The following CELF4 variants were observed in gnomAD, a reference collection of about 807,000 sequenced individuals.
CELF4 encodes CUG-BP- and ETR-3-like factor 4.
In CELF4, 18 loss-of-function variants were observed where a neutral mutation model predicts 59.9. The ratio of observed to expected loss-of-function variants is 0.30; its 90% CI spans 0.21 to 0.45. CELF4 has a LOEUF of 0.45. Ranked by LOEUF, CELF4 falls within the 20% of genes least tolerant of loss-of-function variation. CELF4 has a pLI of 1.00. For missense variants in CELF4, 456 were observed against 689.0 expected, an observed-to-expected ratio of 0.66 and a Z score of 3.79; for synonymous variants, 261 against 267.1, an observed-to-expected ratio of 0.98 and a Z score of 0.22.
At chr18:37,501,573 A>G (rs1336826607) in intron 1 of CELF4, among the ~76,000 whole-genome samples, 3 of 152,196 alleles carry the variant, frequency 2.0e-5, no homozygotes, top group African/African-American at 7.2e-5. Flanking sequence ...GGACAGAGGG[A>G]TATGGAGGAA....
intron 2 of CELF4, among the ~76,000 whole-genome samples, chr18:37,341,962 T>C (rs2098060968): frequency 6.6e-6 from 1 of 152,066 alleles, no homozygotes; most frequent in African/African-American, 2.4e-5. Flanking sequence ...TTACTCTCCT[T>C]GTTTGTGATC....
At chr18:37,542,605 G>A (rs748199119) in intron 1 of CELF4, among the ~76,000 whole-genome samples, 1 of 152,186 alleles carries the variant, frequency 6.6e-6, no homozygotes, top group Non-Finnish European at 1.5e-5. Flanking sequence ...AAATTGAAAT[G>A]TTCTCCTAGG....
chr18:37,290,760 T>C (rs1018977683), intron 3 of CELF4, among the ~76,000 whole-genome samples: 3 of 152,152 alleles, frequency 2.0e-5, no homozygotes, highest in African/African-American at 4.8e-5. Context: ...TCGACTAAGA[T>C]AGTAATAACC....
chr18:37,353,192 G>A (rs1269287001), intron 2 of CELF4, among the ~76,000 whole-genome samples: 2 of 140,828 alleles, frequency 1.4e-5, no homozygotes, highest in African/African-American at 2.6e-5. Flanking sequence ...CTGCACTCCA[G>A]CCTGGGCAAC....
chr18:37,349,696 A>G (rs2154553073), intron 2 of CELF4, among the ~76,000 whole-genome samples: 1 of 152,320 alleles, frequency 6.6e-6, no homozygotes, highest in South Asian at 2.1e-4. Flanking sequence ...GGGCCAGCCC[A>G]TCGGAACCAC....
At chr18:37,425,572 G>A (rs1400399498) in intron 2 of CELF4, among the ~76,000 whole-genome samples, 1 of 152,224 alleles carries the variant, frequency 6.6e-6, no homozygotes, top group African/African-American at 2.4e-5. Flanking sequence ...GAAGGAAAAG[G>A]AGAGTGCACT....
At chr18:37,409,289 A>T (rs1479117199) in intron 2 of CELF4, among the ~76,000 whole-genome samples, 1 of 152,154 alleles carries the variant, frequency 6.6e-6, no homozygotes, top group Admixed American at 6.5e-5. Context: ...GGGGCAGCCA[A>T]TGGGGAGGGC....
chr18:37,287,101 C>A (rs930824271), intron 3 of CELF4, among the ~76,000 whole-genome samples: 2 of 152,086 alleles, frequency 1.3e-5, no homozygotes, highest in Non-Finnish European at 2.9e-5. Context: ...CTGGAGGCTT[C>A]GACAAGCCAG....
Position 37,274,371 on chromosome 18 carries a change from C to T in CELF4, c.741G>A (p.Gln247=). ...TMRRMQQMAG[Q]MGMFNPMAIP... ...TGGCCATGGGGTTGAACATGCCCATCTGGCCAGCCATCTGCTGCATTCGCC... is the reference window on the plus strand; with the variant it reads ...TGGCCATGGGGTTGAACATGCCCATTTGGCCAGCCATCTGCTGCATTCGCC... Residue 247 remains glutamine, a synonymous_variant, in exon 6 of 13, where the codon CAG becomes CAA. Coordinates refer to ENST00000420428, the MANE Select transcript of CELF4 (RefSeq NM_020180.4). 1.2e-6 allele frequency: 2 copies of T among 1,613,592 alleles called. No homozygotes were observed. The highest frequency in any genetic ancestry group is 2.2e-5 in the East Asian group (1 of 44,864).
chr18:37,357,985 C>T (rs2098630554), intron 2 of CELF4, among the ~76,000 whole-genome samples: 2 of 152,180 alleles, frequency 1.3e-5, no homozygotes, highest in South Asian at 4.1e-4. Flanking sequence ...TACAGGCTCA[C>T]AGGCGAAAGG....
intron 3 of CELF4, among the ~76,000 whole-genome samples, chr18:37,297,601 T>A (rs1039057931): frequency 2.0e-5 from 3 of 152,240 alleles, no homozygotes; most frequent in African/African-American, 7.2e-5. Flanking sequence ...AAGGATATAA[T>A]GTAATAAGTT....
At chr18:37,511,267 G>A (rs1185201357) in intron 1 of CELF4, among the ~76,000 whole-genome samples, 6 of 152,128 alleles carry the variant, frequency 3.9e-5, no homozygotes, top group Admixed American at 2.6e-4. Context: ...CTCTTTGTTC[G>A]GTCAGGTGCC....
intron 2 of CELF4, among the ~76,000 whole-genome samples, chr18:37,444,058 C>A (rs534981515): frequency 1.3e-5 from 2 of 152,294 alleles, no homozygotes; most frequent in South Asian, 4.1e-4. Flanking sequence ...TTACTAACTT[C>A]TCCCTGCCTC....
At chr18:37,500,539 T>A (rs1374034150) in intron 1 of CELF4, among the ~76,000 whole-genome samples, 1 of 54,566 alleles carries the variant, frequency 1.8e-5, no homozygotes, top group African/African-American at 3.8e-5. Context: ...TTCTTTTTCT[T>A]TTTTTTTTTT....
intron 2 of CELF4, among the ~76,000 whole-genome samples, chr18:37,360,062 A>C (rs2098677243): frequency 6.6e-6 from 1 of 150,934 alleles, no homozygotes; most frequent in Non-Finnish European, 1.5e-5. Context: ...CATGTTGGCC[A>C]GACTGGTCTC....
intron 2 of CELF4, among the ~76,000 whole-genome samples, chr18:37,410,537 G>A (rs139882231): frequency 1.3e-5 from 2 of 152,346 alleles, no homozygotes; most frequent in Non-Finnish European, 1.5e-5. Context: ...TGTGCGTGTG[G>A]GCATCCCTGC....
rs1455567612 is a variant in CELF4 at position 37,245,306 on chromosome 18, G to T, written c.*45-109C>A. ...GGCTAGGATGGGAGCTCTAGGGGAT[G>T]GTGGGAGGGAAGGAAGAGAGACCAG... is the stretch of plus-strand genomic sequence containing the variant. On this transcript the variant is annotated intron_variant, in intron 12 of 12. Transcript: ENST00000420428. This position sits in a 1 kb window ranked among gnomAD's most constrained non-coding sequence, Gnocchi z 4.1. The T allele has an allele frequency of 6.6e-6, 1 of 152,052 alleles. No individual in the cohort carries two copies. Among genetic ancestry groups the T allele is most frequent in the Non-Finnish European group, 1.5e-5 (1 of 68,018 alleles). 9.4% of individuals were successfully genotyped at this position (152,052 alleles called of 1,614,324 possible).
At chr18:37,292,201 T>G (rs1291760436) in intron 3 of CELF4, among the ~76,000 whole-genome samples, 1 of 152,170 alleles carries the variant, frequency 6.6e-6, no homozygotes, top group Non-Finnish European at 1.5e-5. Context: ...CTACCTGGTT[T>G]ATGGTATTTT....
At chr18:37,517,478 C>T (rs530057557) in intron 1 of CELF4, among the ~76,000 whole-genome samples, 12 of 152,196 alleles carry the variant, frequency 7.9e-5, no homozygotes, top group African/African-American at 2.9e-4. Context: ...CCACTCAGCC[C>T]ACTGCTTGGA....
Sources: gnomAD v4.1 joint callset for allele counts (sites outside exome capture counted in the v4.1 genomes callset) on GRCh38, gnomAD v4.1.1 for gene constraint, Gnocchi (gnomAD v3.1) non-coding constraint, MANE v1.5 for transcripts, NCBI Gene and HGNC (gene_info 2026-07-23, HGNC 2026-07-21) for gene names.